TMBIM4: variants seen among roughly 807,000 people sequenced by gnomAD.
TMBIM4 encodes the protein protein lifeguard 4.
A neutral mutation model predicts 27.7 loss-of-function variants in TMBIM4; 28 were observed. The ratio of observed to expected loss-of-function variants is 1.01; its 90% CI spans 0.75 to 1.38. The LOEUF (loss-of-function observed/expected upper bound fraction) is 1.38. Among genes scored for constraint, TMBIM4 ranks in the 40% most tolerant of loss-of-function variants. TMBIM4 has a pLI of 0.00. For synonymous variants in TMBIM4, 115 were observed against 113.1 expected, an observed-to-expected ratio of 1.02 and a Z score of -0.11; for missense variants, 265 against 277.5, an observed-to-expected ratio of 0.95 and a Z score of 0.32.
chr12:66,138,236 T>G (rs2051610790), intron 6 of TMBIM4, 70 bp from the exon 7 acceptor site: 1 of 1,529,654 alleles, frequency 6.5e-7, no homozygotes, highest in East Asian at 2.4e-5. Flanking sequence ...ACTTACTTCC[T>G]CTAATGATTT....
At chr12:66,161,471 A>T (rs1030063815) in intron 1 of TMBIM4, among the ~76,000 whole-genome samples, 14 of 152,140 alleles carry the variant, frequency 9.2e-5, no homozygotes, top group African/African-American at 3.1e-4. Context: ...GAACTTACGC[A>T]ATCTGCTCAC....
intron 5 of TMBIM4, among the ~76,000 whole-genome samples, chr12:66,139,118 A>G (rs1324209560): frequency 6.6e-6 from 1 of 152,246 alleles, no homozygotes; most frequent in Non-Finnish European, 1.5e-5. Flanking sequence ...ATATAAACAA[A>G]TGAACTAGGA....
chr12:66,154,716 C>T (rs1442319700), intron 1 of TMBIM4, among the ~76,000 whole-genome samples: 1 of 152,114 alleles, frequency 6.6e-6, no homozygotes, highest in Non-Finnish European at 1.5e-5. Context: ...CTACTAAAGA[C>T]CTGGCTTTCC....
intron 5 of TMBIM4, among the ~76,000 whole-genome samples, chr12:66,140,585 T>C (rs1471299956): frequency 2.0e-5 from 3 of 152,132 alleles, no homozygotes; most frequent in African/African-American, 7.2e-5. Context: ...AGATAAATGT[T>C]TGAAGAAATA....
rs752408292 is a variant in TMBIM4, at chr12:66,153,432, GA to G, written c.113del (p.Val38AlafsTer11). On this transcript the variant is annotated frameshift_variant, in exon 2 of 7. Coordinates refer to ENST00000358230, the MANE Select transcript of TMBIM4 (RefSeq NM_016056.4). LOFTEE classifies it high-confidence loss of function. ...GAACCTGCAGAGAAAGAATGCTGTA[GA>G]CTTTTCTCAGAAAGGCTAAAAGAGA... ...VHIRMAFLRK[V>X]YSILSLQVLL... is the part of the protein sequence containing the mutation. The G allele has an allele frequency of 5.1e-6, 8 of 1,583,120 alleles. No homozygotes were observed. The South Asian group carries it at 9.4e-5, about 19-fold the overall frequency.
chr12:66,166,812 GA>G (rs1366307591), intron 1 of TMBIM4, among the ~76,000 whole-genome samples: 1 of 152,180 alleles, frequency 6.6e-6, no homozygotes, highest in African/African-American at 2.4e-5. Context: ...CAAATGAGTT[GA>G]AAACTTATGT....
rs567981652 is a variant in TMBIM4, at chr12:66,146,217, T to C, written c.347-259A>G. Among the ~76,000 whole-genome samples the C allele has an allele frequency of 5.9e-5, 9 of 152,300 alleles. No individual in the cohort carries two copies. In the South Asian group the frequency reaches 1.9e-3, roughly 32 times the overall value. Reference sequence around the variant, plus strand: ...CAAGTTAATGAAATGACTGGAGAGCTATCACGCCTGTAGCCAGTTTGGAGT... The same window carrying C: ...CAAGTTAATGAAATGACTGGAGAGCCATCACGCCTGTAGCCAGTTTGGAGT... On this transcript the variant is annotated intron_variant, in intron 4 of 6. Transcript: ENST00000358230.
chr12:66,150,208 A>G (rs2051821890), intron 3 of TMBIM4, among the ~76,000 whole-genome samples: 3 of 149,942 alleles, frequency 2.0e-5, no homozygotes, highest in African/African-American at 7.3e-5. Flanking sequence ...GCGAAGAGGA[A>G]TTCTATATGG....
chr12:66,142,134 G>GA (rs2051678684), intron 5 of TMBIM4, among the ~76,000 whole-genome samples: 1 of 151,950 alleles, frequency 6.6e-6, no homozygotes, highest in Admixed American at 6.6e-5. Context: ...CAGTAACAGA[G>GA]TTATTTATTG....
chr12:66,161,913 T>C (rs1325425562), intron 1 of TMBIM4, among the ~76,000 whole-genome samples: 1 of 152,178 alleles, frequency 6.6e-6, no homozygotes, highest in East Asian at 1.9e-4. Context: ...TTGATATAGT[T>C]GGAAGAGCAG....
In TMBIM4 at chr12:66,169,806, G is replaced by A. The variant is rs1353415326; in HGVS notation, c.97+49C>T. The A allele has an allele frequency of 1.4e-5, 19 of 1,403,146 alleles. 1 individual carries two copies. In the South Asian group the frequency reaches 1.9e-4, roughly 14 times the overall value. 86.9% of individuals were successfully genotyped at this position (1,403,146 alleles called of 1,614,324 possible). ...AGCCGGAAGTCGGCTTCTAGAGGCC[G>A]AGCAGTGCAGACAAGCGGCTGGGAG... is the stretch of plus-strand genomic sequence containing the variant. On this transcript the variant is annotated intron_variant, in intron 1 of 6. Coordinates refer to ENST00000358230, the MANE Select transcript of TMBIM4 (RefSeq NM_016056.4).
intron 5 of TMBIM4, among the ~76,000 whole-genome samples, chr12:66,142,478 A>G (rs1226417617): frequency 6.6e-6 from 1 of 151,216 alleles, no homozygotes; most frequent in Non-Finnish European, 1.5e-5. Flanking sequence ...TCTGAGATAA[A>G]GGACAGTTTA....
intron 5 of TMBIM4, chr12:66,139,675 T>A (rs1426713732): frequency 2.2e-6 from 1 of 455,976 alleles, no homozygotes; most frequent in Non-Finnish European, 4.4e-6. Flanking sequence ...AGAAGAGAAC[T>A]ATCCACCAAA....
At chr12:66,142,593 C>A (rs1359953781) in intron 5 of TMBIM4, among the ~76,000 whole-genome samples, 1 of 151,796 alleles carries the variant, frequency 6.6e-6, no homozygotes, top group Non-Finnish European at 1.5e-5. Context: ...AGAGAGGAAC[C>A]TTGAATTTAG....
intron 3 of TMBIM4, among the ~76,000 whole-genome samples, chr12:66,151,217 G>A (rs1592543570): frequency 6.6e-6 from 1 of 151,956 alleles, no homozygotes; most frequent in South Asian, 2.1e-4. Context: ...TTTCCCACTC[G>A]TATTTGACTA....
chr12:66,155,300 G>A lies in TMBIM4; in HGVS notation c.98-1852C>T, dbSNP rs953319883. Among the ~76,000 whole-genome samples, 9 of 148,912 alleles carry A rather than the reference G, an allele frequency of 6.0e-5. 1 individual carries two copies. Among genetic ancestry groups the A allele is most frequent in the African/African-American group, 2.2e-4 (9 of 40,932 alleles). ...AGCCTCCCAAGCAGCTGGGAATACAGGCCCACACCAGGATGGGGTGTGTGT... is the reference window on the plus strand; with the variant it reads ...AGCCTCCCAAGCAGCTGGGAATACAAGCCCACACCAGGATGGGGTGTGTGT... On this transcript the variant is annotated intron_variant, in intron 1 of 6. Transcript: ENST00000358230.
At chr12:66,152,501 T>G in intron 2 of TMBIM4, 125 bp from the exon 3 acceptor site, 1 of 534,940 alleles carries the variant, frequency 1.9e-6, no homozygotes, top group East Asian at 3.7e-5. Context: ...TCTGGAATGA[T>G]CCACACCAAA....
intron 5 of TMBIM4, among the ~76,000 whole-genome samples, chr12:66,143,331 C>A (rs980577744): frequency 1.3e-5 from 2 of 152,090 alleles, no homozygotes; most frequent in Non-Finnish European, 2.9e-5. Context: ...ACAAATCCTA[C>A]CCTCATCCCT....
At chr12:66,148,368 TTCTC>T (rs1185592936) in intron 3 of TMBIM4, among the ~76,000 whole-genome samples, 1 of 152,168 alleles carries the variant, frequency 6.6e-6, no homozygotes, top group Non-Finnish European at 1.5e-5. Flanking sequence ...CCAATATTCA[TTCTC>T]TCTTTCTTCC....
Sources: gnomAD v4.1 joint callset for allele counts (sites outside exome capture counted in the v4.1 genomes callset) on GRCh38, gnomAD v4.1.1 for gene constraint, MANE v1.5 for transcripts, NCBI Gene and HGNC (gene_info 2026-07-23, HGNC 2026-07-21) for gene names.